Variants in RNF4 observed in about 807,000 individuals in gnomAD.
The protein encoded by RNF4 is E3 ubiquitin-protein ligase RNF4.
In RNF4, 7 loss-of-function variants were observed where a neutral mutation model predicts 24.3. That is an observed-to-expected ratio of 0.29 (90% confidence interval 0.16 to 0.54). The LOEUF (loss-of-function observed/expected upper bound fraction) is 0.54, where lower values mean the gene tolerates loss of function less well. RNF4 is among the 20% of genes least tolerant of loss of function. RNF4 has a pLI of 0.95. For missense variants in RNF4, 209 were observed against 248.5 expected, an observed-to-expected ratio of 0.84 and a Z score of 1.07; for synonymous variants, 83 against 84.3, an observed-to-expected ratio of 0.98 and a Z score of 0.09.
At chr4:2,490,938 T>C (rs773365185) in intron 2 of RNF4, 5 of 158,062 alleles carry the variant, frequency 3.2e-5, no homozygotes, top group East Asian at 1.8e-4. Context: ...ACAAACAAAA[T>C]GTAGCCAGGC....
chr4:2,495,643 G>A (rs926049065), intron 2 of RNF4, among the ~76,000 whole-genome samples: 3 of 145,382 alleles, frequency 2.1e-5, no homozygotes, highest in Admixed American at 1.4e-4. Context: ...TTTTTTTGGG[G>A]GGGGGTGAGA....
intron 4 of RNF4, 128 bp downstream of exon 4, chr4:2,500,866 T>G (rs1237985402): frequency 1.3e-6 from 1 of 764,388 alleles, no homozygotes; most frequent in Non-Finnish European, 2.2e-6. Flanking sequence ...TTCATGCATC[T>G]TGTGGAATTG....
chr4:2,512,295 G>A lies in RNF4; in HGVS notation c.215-143G>A, dbSNP rs1736290689. 9 of 1,006,990 alleles carry A rather than the reference G, an allele frequency of 8.9e-6. No homozygotes were observed. The highest frequency in any genetic ancestry group is 9.0e-6 in the Non-Finnish European group (6 of 663,924). 62.4% of individuals were successfully genotyped at this position (1,006,990 alleles called of 1,614,324 possible). A position where few individuals can be genotyped will look rare whatever the true frequency, so the allele number is the denominator to read the frequency against. On this transcript the variant is annotated intron_variant, in intron 5 of 7. Coordinates refer to ENST00000314289, the MANE Select transcript of RNF4 (RefSeq NM_002938.5). The surrounding 1 kb of genome is among the most constrained non-coding windows in gnomAD (Gnocchi z 4.1). The stretch of plus-strand genomic sequence containing the variant: ...CTCCAGAGCTGGGCAGAACCTTCTG[G>A]GTTATAGCTGAGCATGGCAGCAGTT...
Position 2,512,217 on chromosome 4 carries a change from G to A in RNF4, c.215-221G>A. Reference sequence around the variant, plus strand: ...GGCCTACCAGATTTTGGAGAAGGCTGGTAGCTCACAGCAGGGGTTGGGGGG... The same window carrying A: ...GGCCTACCAGATTTTGGAGAAGGCTAGTAGCTCACAGCAGGGGTTGGGGGG... On this transcript the variant is annotated intron_variant, in intron 5 of 7. Transcript: ENST00000314289. This position sits in a 1 kb window ranked among gnomAD's most constrained non-coding sequence, Gnocchi z 4.1. 2 of 655,648 alleles carry A rather than the reference G, an allele frequency of 3.1e-6. No individual in the cohort carries two copies. Among genetic ancestry groups the A allele is most frequent in the East Asian group, 2.7e-5 (1 of 36,982 alleles). 40.6% of individuals were successfully genotyped at this position (655,648 alleles called of 1,614,324 possible).
chr4:2,473,507 G>A (rs778361258), intron 1 of RNF4, among the ~76,000 whole-genome samples: 1 of 152,078 alleles, frequency 6.6e-6, no homozygotes, highest in African/African-American at 2.4e-5. Flanking sequence ...AATAGCAAGA[G>A]AACTAGAATT....
At chr4:2,494,781 G>A (rs750727369) in intron 2 of RNF4, 1 of 152,442 alleles carries the variant, frequency 6.6e-6, no homozygotes, top group Non-Finnish European at 1.5e-5. Flanking sequence ...TAAGGAAGAG[G>A]AACAGGCTAT....
At chr4:2,475,630 G>T (rs1222805012) in intron 1 of RNF4, among the ~76,000 whole-genome samples, 1 of 152,088 alleles carries the variant, frequency 6.6e-6, no homozygotes, top group Non-Finnish European at 1.5e-5. Flanking sequence ...GAGCCACCTC[G>T]CCTGGCCCAC....
At chr4:2,475,794 G>A (rs1182773144) in intron 1 of RNF4, among the ~76,000 whole-genome samples, 1 of 152,142 alleles carries the variant, frequency 6.6e-6, no homozygotes, top group South Asian at 2.1e-4. Flanking sequence ...AGTTGTTGTA[G>A]TTAGCCCCAT....
chr4:2,496,031 G>T (rs575120940), intron 2 of RNF4, among the ~76,000 whole-genome samples: 1 of 152,342 alleles, frequency 6.6e-6, no homozygotes, highest in South Asian at 2.1e-4. Context: ...GCAGCCTAAG[G>T]ATTTGGAAGA....
chr4:2,487,593 T>C (rs1194953098), intron 1 of RNF4, among the ~76,000 whole-genome samples: 1 of 152,144 alleles, frequency 6.6e-6, no homozygotes, highest in African/African-American at 2.4e-5. Context: ...CTCATTATTT[T>C]AATTTTTTTA....
chr4:2,488,842 G>T (rs1735495616), intron 1 of RNF4, among the ~76,000 whole-genome samples: 1 of 151,934 alleles, frequency 6.6e-6, no homozygotes, highest in Non-Finnish European at 1.5e-5. Flanking sequence ...TTTTGAGATG[G>T]AGTTTTGCTC....
In RNF4 at chr4:2,484,067, TCCC is replaced by T. The variant is rs56727538; in HGVS notation, c.-157-6264_-157-6262del. 9.0e-4 allele frequency among the ~76,000 whole-genome samples: 12 copies of T among 13,282 alleles called. 5 individuals carry two copies. In the East Asian group the frequency reaches 0.025, roughly 28 times the overall value. The allele number at this position is 13,282 out of a possible 152,430, so 8.7% of individuals were successfully genotyped here. A position where few individuals can be genotyped will look rare whatever the true frequency, so the allele number is the denominator to read the frequency against. On this transcript the variant is annotated intron_variant, in intron 1 of 7. Transcript: ENST00000314289. ...GTCTCGAACTCCTGGCCTCAGGTGATCCCCCCCCGCCTCGGCCTCCCAAAGTGC... is the reference window on the plus strand; with the variant it reads ...GTCTCGAACTCCTGGCCTCAGGTGATCCCCCGCCTCGGCCTCCCAAAGTGC...
At chr4:2,498,377 G>A (rs1045372868) in intron 3 of RNF4, among the ~76,000 whole-genome samples, 1 of 151,724 alleles carries the variant, frequency 6.6e-6, no homozygotes, top group Non-Finnish European at 1.5e-5. Flanking sequence ...TAGTAGAGAC[G>A]GGGTTTCACC....
chr4:2,486,152 A>G (rs1383463797), intron 1 of RNF4, among the ~76,000 whole-genome samples: 1 of 152,192 alleles, frequency 6.6e-6, no homozygotes, highest in Non-Finnish European at 1.5e-5. Context: ...TGGGGAACAT[A>G]ACAGTGCTTA....
At chr4:2,505,568 G>T (rs113015139) in intron 4 of RNF4, 4 of 149,180 alleles carry the variant, frequency 2.7e-5, no homozygotes, top group East Asian at 2.0e-4. Flanking sequence ...CTCGTGATCC[G>T]CCCGCCTCGG....
chr4:2,495,742 C>T (rs1735717065), intron 2 of RNF4, among the ~76,000 whole-genome samples: 1 of 152,288 alleles, frequency 6.6e-6, no homozygotes, highest in East Asian at 1.9e-4. Context: ...AAGTGATTCT[C>T]CTGCCTCAGC....
intron 1 of RNF4, among the ~76,000 whole-genome samples, chr4:2,484,067 T>TCCCCTCCCCCC (rs1553877532): frequency 7.5e-5 from 1 of 13,248 alleles, no homozygotes; most frequent in Non-Finnish European, 1.6e-4. Flanking sequence ...CCTCAGGTGA[T>TCCCCTCCCCCC]CCCCCCCCGC....
chr4:2,504,726 ATTTTTTTTTTTTTT>A (rs1182588172), intron 4 of RNF4, among the ~76,000 whole-genome samples: 1 of 61,126 alleles, frequency 1.6e-5, no homozygotes, highest in Non-Finnish European at 3.2e-5. Flanking sequence ...CATTTTTTGT[ATTTTTTTTTTTTTT>A]TTTTTTTGAG....
chr4:2,500,992 C>T (rs955241771), intron 4 of RNF4, among the ~76,000 whole-genome samples: 1 of 152,214 alleles, frequency 6.6e-6, no homozygotes, highest in Non-Finnish European at 1.5e-5. Flanking sequence ...ATAGCCTTGT[C>T]GCCTATGGAG....
Sources: allele counts gnomAD v4.1 joint callset (sites outside exome capture counted in the v4.1 genomes callset), GRCh38; gene constraint gnomAD v4.1.1; non-coding constraint Gnocchi (gnomAD v3.1); transcripts MANE v1.5; gene names NCBI Gene and HGNC (gene_info 2026-07-23, HGNC 2026-07-21).